CNBP: variants seen among roughly 807,000 people sequenced by gnomAD.
The protein encoded by CNBP is CCHC-type zinc finger nucleic acid binding protein.
CNBP carries 6 observed loss-of-function variants against 21.2 expected under a neutral mutation model. That is an observed-to-expected ratio of 0.28 (90% CI 0.16 to 0.56). The LOEUF is 0.56. Ranked by LOEUF, CNBP falls within the 20% of genes least tolerant of loss-of-function variation. The pLI is 0.93. For missense variants in CNBP, 112 were observed against 233.1 expected (o/e 0.48, Z 3.38); for synonymous variants, 61 against 74.9 (o/e 0.81, Z 0.96).
chr3:129,171,825 T>C, intron 1 of CNBP, 54 bp from the exon 2 acceptor site: 1 of 1,540,646 alleles, frequency 6.5e-7, no homozygotes, highest in Non-Finnish European at 8.8e-7. Flanking sequence ...TTTTAACTTT[T>C]ATTCTCTATT....
chr3:129,178,867 C>T (rs1407283526), intron 1 of CNBP, among the ~76,000 whole-genome samples: 1 of 151,948 alleles, frequency 6.6e-6, no homozygotes, highest in Non-Finnish European at 1.5e-5. Flanking sequence ...CTCAACCTCT[C>T]GAGTAGCTGG....
Position 129,171,215 on chromosome 3 carries a change from GCT to G in CNBP, c.278_279del (p.Glu93AlafsTer17), listed in dbSNP as rs1937561459. 6.2e-7 allele frequency: 1 copy of G among 1,614,222 alleles called. No homozygotes were observed. Among genetic ancestry groups the G allele is most frequent in the African/African-American group, 1.3e-5 (1 of 75,050 alleles). ...CCACAGTTGTAGCAGCATTGCTCTC[GCT>G]CTCTCTTGGGCTCCTTGCAGTCCTT... Reference protein sequence around the residue: ...IAKDCKEPKREREQCCYNCGK... With the variant: ...IAKDCKEPKRXREQCCYNCGK... On this transcript the variant is annotated frameshift_variant, in exon 4 of 5. Transcript: ENST00000422453. LOFTEE classifies it high-confidence loss of function.
At position 129,172,609 on chromosome 3, in the gene CNBP, CAGGCAGA is replaced by C. The variant is rs1156493659; in HGVS notation, c.-14-845_-14-839del. 1.6e-3 allele frequency among the ~76,000 whole-genome samples: 10 copies of C among 6,338 alleles called. No homozygotes were observed. In the South Asian group the frequency reaches 0.017, roughly 11 times the overall value. 4.2% of individuals were successfully genotyped at this position (6,338 alleles called of 152,430 possible). ...GCAGGCAGGCAGGCAGGCAGGCAGA[CAGGCAGA>C]CAGGCAGCCAGGCAGGCAGGCAGGC... On this transcript the variant is annotated intron_variant, in intron 1 of 4. Coordinates refer to ENST00000422453, the MANE Select transcript of CNBP (RefSeq NM_003418.5).
intron 3 of CNBP, 28 bp downstream of exon 3, chr3:129,171,418 G>A (rs754261539): frequency 6.2e-7 from 1 of 1,602,554 alleles, no homozygotes; most frequent in East Asian, 2.2e-5. Flanking sequence ...CTCTAGAGGG[G>A]TATGAAAAGG....
At chr3:129,181,314 TAA>T (rs1035226656) in intron 1 of CNBP, among the ~76,000 whole-genome samples, 9 of 144,056 alleles carry the variant, frequency 6.2e-5, no homozygotes, top group Admixed American at 2.8e-4. Context: ...ATTTATACTT[TAA>T]AAAAGACATC....
At chr3:129,173,530 C>A (rs1394625539) in intron 1 of CNBP, among the ~76,000 whole-genome samples, 2 of 152,112 alleles carry the variant, frequency 1.3e-5, no homozygotes, top group African/African-American at 4.8e-5. Flanking sequence ...ACATTTTAAA[C>A]AATGCTACTT....
Position 129,171,684 on chromosome 3 carries a change from C to T in CNBP, c.74G>A (p.Arg25His), listed in dbSNP as rs1937571850. ...WARECPTGGG[R>H]GRGMRSRGRG... Reference sequence around the variant, plus strand: ...GCCACGGCTTCTCATTCCACGACCACGGCCTCCACCAGTAGGACATTCCCG... The same window carrying T: ...GCCACGGCTTCTCATTCCACGACCATGGCCTCCACCAGTAGGACATTCCCG... The change falls in exon 2 of 5, where the codon CGT becomes CAT. Residue 25 changes from arginine to histidine, a missense_variant. Arg to His is a conservative substitution (Grantham distance 29). Transcript: ENST00000422453. The T allele has an allele frequency of 5.6e-6, 9 of 1,614,062 alleles. No individual in the cohort carries two copies. Among genetic ancestry groups the T allele is most frequent in the East Asian group, 2.2e-5 (1 of 44,902 alleles).
intron 1 of CNBP, among the ~76,000 whole-genome samples, chr3:129,173,874 C>G (rs1937701377): frequency 6.6e-6 from 1 of 152,146 alleles, no homozygotes; most frequent in Non-Finnish European, 1.5e-5. Context: ...AATTAGCTAA[C>G]CTAACCACAG....
At chr3:129,182,936 G>A (rs377130031) in intron 1 of CNBP, among the ~76,000 whole-genome samples, 1 of 37,134 alleles carries the variant, frequency 2.7e-5, no homozygotes, top group African/African-American at 1.1e-4. Context: ...GGAACCCTTT[G>A]TTGTTGTTTG....
intron 1 of CNBP, among the ~76,000 whole-genome samples, chr3:129,173,410 C>T (rs949369028): frequency 1.3e-5 from 2 of 152,126 alleles, no homozygotes; most frequent in African/African-American, 2.4e-5. Context: ...AGTAGGAAAA[C>T]GACCATGAGT....
At chr3:129,174,361 A>C (rs956982315) in intron 1 of CNBP, among the ~76,000 whole-genome samples, 14 of 148,054 alleles carry the variant, frequency 9.5e-5, no homozygotes, top group African/African-American at 3.5e-4. Flanking sequence ...AAAAAAAAAA[A>C]AAAAAAAAAA....
chr3:129,175,114 A>C (rs1259634889), intron 1 of CNBP, among the ~76,000 whole-genome samples: 1 of 151,956 alleles, frequency 6.6e-6, no homozygotes, highest in African/African-American at 2.4e-5. Flanking sequence ...TCATGAGGTC[A>C]GGAAATCAAG....
chr3:129,172,636 GCAGGCAGGCAGGCAGGCAGGCAGA>G (rs1159013392), intron 1 of CNBP, among the ~76,000 whole-genome samples: 50 of 46,334 alleles, frequency 1.1e-3, no homozygotes, highest in Non-Finnish European at 1.2e-3. Flanking sequence ...AGGCAGGCAG[GCAGGCAGGCAGGCAGGCAGGCAGA>G]CAGACAGACA....
intron 1 of CNBP, among the ~76,000 whole-genome samples, chr3:129,177,988 G>A (rs574836133): frequency 4.6e-5 from 7 of 152,048 alleles, no homozygotes; most frequent in South Asian, 4.2e-4. Context: ...GTGAAACCCT[G>A]TCTCTACTAA....
At chr3:129,172,635 G>GACA (rs1937613621) in intron 1 of CNBP, among the ~76,000 whole-genome samples, 2 of 44,960 alleles carry the variant, frequency 4.4e-5, no homozygotes, top group Admixed American at 4.0e-4. Context: ...CAGGCAGGCA[G>GACA]GCAGGCAGGC....
intron 1 of CNBP, among the ~76,000 whole-genome samples, chr3:129,182,094 G>A (rs1938340210): frequency 6.6e-6 from 1 of 152,130 alleles, no homozygotes; most frequent in Non-Finnish European, 1.5e-5. Context: ...AACCCTCAAA[G>A]CTCTACACTC....
intron 1 of CNBP, among the ~76,000 whole-genome samples, chr3:129,174,901 A>G (rs138083781): frequency 2.8e-4 from 42 of 152,172 alleles, no homozygotes; most frequent in African/African-American, 1.0e-3. Context: ...TCTCTTTTAG[A>G]AAATACAAAA....
chr3:129,177,309 T>C (rs1434655822), intron 1 of CNBP, among the ~76,000 whole-genome samples: 1 of 152,212 alleles, frequency 6.6e-6, no homozygotes, highest in Non-Finnish European at 1.5e-5. Context: ...ACTGCACTGA[T>C]GTAGCCTGCC....
chr3:129,179,293 GA>G (rs112692201), intron 1 of CNBP, among the ~76,000 whole-genome samples: 4 of 149,946 alleles, frequency 2.7e-5, no homozygotes, highest in African/African-American at 7.3e-5. Context: ...AAAAAAAGAA[GA>G]AAAAAAAAGC....
Sources: allele counts gnomAD v4.1 joint callset (sites outside exome capture counted in the v4.1 genomes callset), GRCh38; gene constraint gnomAD v4.1.1; transcripts MANE v1.5; gene names NCBI Gene and HGNC (gene_info 2026-07-23, HGNC 2026-07-21).